Variants in ATE1 observed in about 807,000 individuals in gnomAD.
ATE1 encodes arginyl-tRNA--protein transferase 1.
In ATE1, 36 loss-of-function variants were observed where a neutral mutation model predicts 70.5. The ratio of observed to expected loss-of-function variants is 0.51; its 90% CI spans 0.39 to 0.67. The LOEUF (loss-of-function observed/expected upper bound fraction) is 0.67, where lower values mean the gene tolerates loss of function less well. ATE1 is among the 30% of genes least tolerant of loss of function. The pLI is 0.00. For missense variants in ATE1, 593 were observed against 629.5 expected, an observed-to-expected ratio of 0.94 and a Z score of 0.62; for synonymous variants, 232 against 219.3, an observed-to-expected ratio of 1.06 and a Z score of -0.51.
chr10:121,885,260 CAAAAAAAAAAAAAAAA>C (rs1212899309), intron 7 of ATE1, among the ~76,000 whole-genome samples: 1 of 33,374 alleles, frequency 3.0e-5, no homozygotes, highest in Non-Finnish European at 5.7e-5. Context: ...GACTCCGTCT[CAAAAAAAAAAAAAAAA>C]AAAAAAAAAG....
At chr10:121,743,917 T>C (rs1944236148) in intron 11 of ATE1, 59 bp from the exon 12 acceptor site, 1 of 145,770 alleles carries the variant, frequency 6.9e-6, no homozygotes, top group Non-Finnish European at 8.5e-6. Context: ...TTTTGTTTCC[T>C]TTTTTTTTTT....
chr10:121,857,091 T>G (rs1208135965), intron 8 of ATE1, among the ~76,000 whole-genome samples: 1 of 152,248 alleles, frequency 6.6e-6, no homozygotes, highest in Non-Finnish European at 1.5e-5. Flanking sequence ...TTTTATTGTT[T>G]ACTTCACTTT....
At chr10:121,776,012 C>T (rs1459669579) in intron 11 of ATE1, among the ~76,000 whole-genome samples, 5 of 152,186 alleles carry the variant, frequency 3.3e-5, no homozygotes, top group African/African-American at 7.2e-5. Context: ...CACATAATAG[C>T]TGTAATGTGC....
intron 10 of ATE1, among the ~76,000 whole-genome samples, chr10:121,823,248 C>A (rs187393934): frequency 9.9e-5 from 15 of 152,160 alleles, no homozygotes; most frequent in Admixed American, 8.5e-4. Flanking sequence ...TGAGATCGCA[C>A]CACTGCATTA....
At chr10:121,820,111 C>T (rs921979514) in intron 10 of ATE1, among the ~76,000 whole-genome samples, 1 of 151,588 alleles carries the variant, frequency 6.6e-6, no homozygotes. Flanking sequence ...CACTGTACTC[C>T]AGCCTGGGTG....
At position 121,899,920 on chromosome 10, in the gene ATE1, T is replaced by TA. The variant is rs751270541; in HGVS notation, c.887_888insT (p.Lys296AsnfsTer13). 1 of 1,613,946 alleles carries TA rather than the reference T, an allele frequency of 6.2e-7. No individual in the cohort carries two copies. Among genetic ancestry groups the TA allele is most frequent in the Non-Finnish European group, 8.5e-7 (1 of 1,179,898 alleles). ...TCTTGTGAATAACCATCTGGTAACG[T>TA]TTATAGACCTGGTAAGACTCCAGAA... On this transcript the variant is annotated frameshift_variant, in exon 7 of 12. Transcript: ENST00000224652. LOFTEE classifies it high-confidence loss of function.
intron 10 of ATE1, among the ~76,000 whole-genome samples, chr10:121,818,154 C>G (rs1372826859): frequency 6.8e-6 from 1 of 146,534 alleles, no homozygotes; most frequent in East Asian, 2.0e-4. Context: ...GTCCCAGCTA[C>G]TCAGGAGGCT....
At chr10:121,792,505 C>G (rs1946495485) in intron 10 of ATE1, among the ~76,000 whole-genome samples, 1 of 152,194 alleles carries the variant, frequency 6.6e-6, no homozygotes, top group South Asian at 2.1e-4. Context: ...CACTGCCCTA[C>G]AGCAGTAGAA....
At chr10:121,912,235 G>GT (rs1375294838) in intron 4 of ATE1, among the ~76,000 whole-genome samples, 1 of 152,056 alleles carries the variant, frequency 6.6e-6, no homozygotes, top group African/African-American at 2.4e-5. Context: ...TTGCATTTTG[G>GT]TATCTTTTTG....
At chr10:121,792,801 A>G (rs2133300469) in intron 10 of ATE1, among the ~76,000 whole-genome samples, 1 of 152,328 alleles carries the variant, frequency 6.6e-6, no homozygotes, top group East Asian at 1.9e-4. Context: ...GACGGAAAAA[A>G]GGCTAAATAT....
intron 11 of ATE1, among the ~76,000 whole-genome samples, chr10:121,771,667 A>C (rs7903147): frequency 0.82 from 125,410 of 152,190 alleles, 52,033 homozygotes; most frequent in Non-Finnish European, 0.88. Context: ...TTTTCAAGTT[A>C]TTTTATGCAA....
At chr10:121,759,286 A>G (rs891319523) in intron 11 of ATE1, among the ~76,000 whole-genome samples, 1 of 152,232 alleles carries the variant, frequency 6.6e-6, no homozygotes, top group Non-Finnish European at 1.5e-5. Flanking sequence ...ACATTCTCTT[A>G]ACTCAATGCC....
intron 11 of ATE1, among the ~76,000 whole-genome samples, chr10:121,753,554 A>G (rs1482061097): frequency 6.6e-6 from 1 of 152,212 alleles, no homozygotes; most frequent in African/African-American, 2.4e-5. Flanking sequence ...AGAATGCAAA[A>G]ATCAGGCAAT....
intron 10 of ATE1, among the ~76,000 whole-genome samples, chr10:121,805,701 T>C (rs1947068654): frequency 1.3e-5 from 2 of 152,192 alleles, no homozygotes; most frequent in African/African-American, 2.4e-5. Flanking sequence ...TTTTAAATAT[T>C]TACAAACAAT....
At chr10:121,752,010 G>T (rs1006223822) in intron 11 of ATE1, among the ~76,000 whole-genome samples, 2 of 151,444 alleles carry the variant, frequency 1.3e-5, no homozygotes, top group African/African-American at 4.9e-5. Flanking sequence ...TGGCTAACAG[G>T]GTGAAACCCC....
At chr10:121,853,370 A>G (rs2133890770) in intron 8 of ATE1, among the ~76,000 whole-genome samples, 1 of 151,890 alleles carries the variant, frequency 6.6e-6, no homozygotes, top group Non-Finnish European at 1.5e-5. Flanking sequence ...TCAAAAAAAA[A>G]AAAAAAAAAA....
intron 8 of ATE1, among the ~76,000 whole-genome samples, chr10:121,855,016 C>A (rs1021952478): frequency 6.6e-6 from 1 of 152,128 alleles, no homozygotes; most frequent in Non-Finnish European, 1.5e-5. Context: ...AAAGACATGC[C>A]CGCAGCTGCA....
intron 4 of ATE1, among the ~76,000 whole-genome samples, chr10:121,912,647 G>A (rs983192443): frequency 9.2e-5 from 14 of 151,526 alleles, no homozygotes; most frequent in African/African-American, 2.4e-4. Flanking sequence ...GCAAGACTCC[G>A]TCTCCAAAAA....
chr10:121,860,190 GAA>G (rs1949418571), intron 8 of ATE1, among the ~76,000 whole-genome samples: 1 of 152,156 alleles, frequency 6.6e-6, no homozygotes, highest in Non-Finnish European at 1.5e-5. Flanking sequence ...TCTTTATCTG[GAA>G]TACTCTTACT....
Sources: gnomAD v4.1 joint callset for allele counts (sites outside exome capture counted in the v4.1 genomes callset) on GRCh38, gnomAD v4.1.1 for gene constraint, MANE v1.5 for transcripts, NCBI Gene and HGNC (gene_info 2026-07-23, HGNC 2026-07-21) for gene names.